The following PCNX2 variants were observed in gnomAD, a reference collection of about 807,000 sequenced individuals.
The protein encoded by PCNX2 is pecanex-like protein 2.
A neutral mutation model predicts 223.8 loss-of-function variants in PCNX2; 168 were observed. The observed-to-expected ratio is 0.75, with a 90% confidence interval of 0.66 to 0.85. PCNX2 has a LOEUF of 0.85. Ranked by LOEUF, PCNX2 falls within the 40% of genes least tolerant of loss-of-function variation. PCNX2 has a pLI of 0.00. For synonymous variants in PCNX2, 1,006 were observed against 1,052.6 expected (o/e 0.96, Z 0.86); for missense variants, 2,507 against 2,675.5 (o/e 0.94, Z 1.39).
the PCNX2 span, among the ~76,000 whole-genome samples, chr1:233,325,022 ATGT>A: frequency 2.6e-5 from 4 of 152,344 alleles, no homozygotes; most frequent in East Asian, 1.9e-4. Flanking sequence ...GAGGAGATAA[ATGT>A]TGTTTCCATG....
At chr1:233,200,346 C>A in intron 13 of PCNX2, 82 bp from the exon 14 acceptor site, 1 of 888,216 alleles carries the variant, frequency 1.1e-6, no homozygotes, top group Non-Finnish European at 1.7e-6. Flanking sequence ...TCTCTCTCCC[C>A]TTCCAAACCA....
At chr1:233,187,948 T>G (rs922803768) in intron 15 of PCNX2, among the ~76,000 whole-genome samples, 21 of 152,224 alleles carry the variant, frequency 1.4e-4, no homozygotes, top group Admixed American at 1.4e-3. Flanking sequence ...ACTTTCAAAT[T>G]TATTACTATT....
intron 15 of PCNX2, among the ~76,000 whole-genome samples, chr1:233,189,768 A>G (rs1467177889): frequency 1.3e-5 from 2 of 152,300 alleles, no homozygotes; most frequent in East Asian, 1.9e-4. Context: ...TCCCCTTGCC[A>G]TTAATAAAAA....
chr1:233,178,275 C>T (rs1256665611), intron 16 of PCNX2, among the ~76,000 whole-genome samples: 1 of 152,132 alleles, frequency 6.6e-6, no homozygotes, highest in Non-Finnish European at 1.5e-5. Context: ...ACTTTTGTTT[C>T]CCCCATTTTT....
intron 23 of PCNX2, chr1:233,058,168 C>CT (rs1672260262): frequency 1.8e-6 from 1 of 564,174 alleles, no homozygotes; most frequent in Non-Finnish European, 2.2e-6. Flanking sequence ...CAGTCCATGA[C>CT]AACCCCTGGC....
At chr1:233,128,212 T>C (rs1676213639) in intron 21 of PCNX2, among the ~76,000 whole-genome samples, 2 of 152,348 alleles carry the variant, frequency 1.3e-5, no homozygotes, top group South Asian at 2.1e-4. Context: ...TAGAATTTTA[T>C]GTCTAATGTA....
At chr1:233,096,210 C>A (rs1397449467) in intron 21 of PCNX2, among the ~76,000 whole-genome samples, 1 of 152,152 alleles carries the variant, frequency 6.6e-6, no homozygotes, top group African/African-American at 2.4e-5. Context: ...AGAAACCTAT[C>A]ATCATTTGAC....
At position 233,271,680 on chromosome 1, in the gene PCNX2, T is replaced by C. The variant is rs144562086; in HGVS notation, c.154-8517A>G. 4.4e-3 allele frequency among the ~76,000 whole-genome samples: 665 copies of C among 152,330 alleles called. 4 individuals carry two copies. Among genetic ancestry groups the C allele is most frequent in the African/African-American group, 0.016 (648 of 41,566 alleles). ...GTGAGAAATGAGGATCCAGTTTCAT[T>C]CTTCTACATGTGGCTTGCCAATTAT... On this transcript the variant is annotated intron_variant, in intron 1 of 33. Coordinates refer to ENST00000258229, the MANE Select transcript of PCNX2 (RefSeq NM_014801.4).
intron 23 of PCNX2, among the ~76,000 whole-genome samples, chr1:233,080,127 G>T (rs945362625): frequency 7.9e-5 from 12 of 152,138 alleles, no homozygotes; most frequent in African/African-American, 2.7e-4. Flanking sequence ...CCAGCCAGTT[G>T]GGTGAGATTT....
intron 23 of PCNX2, among the ~76,000 whole-genome samples, chr1:233,072,283 G>A (rs544709710): frequency 6.9e-4 from 105 of 152,244 alleles, no homozygotes; most frequent in Middle Eastern, 3.4e-3. Context: ...TGGGTTTTAC[G>A]TTTAAGTCTT....
At chr1:233,004,281 T>G (rs551322393) in intron 28 of PCNX2, among the ~76,000 whole-genome samples, 1 of 152,126 alleles carries the variant, frequency 6.6e-6, no homozygotes, top group Admixed American at 6.5e-5. Flanking sequence ...GGTTCCTAGG[T>G]TTTTCCTGCC....
At position 233,164,094 on chromosome 1, in the gene PCNX2, T is replaced by C. The variant is rs575987115; in HGVS notation, c.3274-2731A>G. 6.6e-5 allele frequency among the ~76,000 whole-genome samples: 10 copies of C among 152,270 alleles called. No individual in the cohort carries two copies. The East Asian group carries it at 1.9e-3, about 29-fold the overall frequency. On this transcript the variant is annotated intron_variant, in intron 17 of 33. Coordinates refer to ENST00000258229, the MANE Select transcript of PCNX2 (RefSeq NM_014801.4). Reference sequence around the variant, plus strand: ...CTGGGTTATGTAGTAGGTTTAGTCTTAACTTTTTAAGAAACTGCCATAATC... The same window carrying C: ...CTGGGTTATGTAGTAGGTTTAGTCTCAACTTTTTAAGAAACTGCCATAATC...
intron 25 of PCNX2, chr1:233,033,115 T>G: frequency 1.0e-6 from 1 of 985,410 alleles, no homozygotes; most frequent in Non-Finnish European, 1.2e-6. Flanking sequence ...AATGTCAAGC[T>G]GGCAAGGCTG....
intron 18 of PCNX2, among the ~76,000 whole-genome samples, chr1:233,160,957 A>G (rs76147554): frequency 0.01 from 1,545 of 152,264 alleles, 26 homozygotes; most frequent in African/African-American, 0.035. Context: ...GAGCACTGTT[A>G]GCCCACCATA....
At chr1:233,169,708 A>T (rs1417899040) in intron 17 of PCNX2, among the ~76,000 whole-genome samples, 1 of 151,998 alleles carries the variant, frequency 6.6e-6, no homozygotes, top group Non-Finnish European at 1.5e-5. Context: ...TGTACAGTTT[A>T]ATAATTATAA....
chr1:233,031,900 A>T, intron 25 of PCNX2: 1 of 984,728 alleles, frequency 1.0e-6, no homozygotes, highest in Non-Finnish European at 1.2e-6. Context: ...ATAAACAGTG[A>T]GGCATCCAGA....
chr1:233,322,590 C>T, the PCNX2 span, among the ~76,000 whole-genome samples: 4 of 152,004 alleles, frequency 2.6e-5, no homozygotes, highest in East Asian at 7.7e-4. Context: ...ACCAGGCGTT[C>T]GACTCAAGAG....
intron 12 of PCNX2, among the ~76,000 whole-genome samples, chr1:233,209,088 G>T (rs1681677281): frequency 1.3e-5 from 2 of 152,074 alleles, no homozygotes. Context: ...TCTACACTTG[G>T]GTGCCACTAT....
intron 8 of PCNX2, among the ~76,000 whole-genome samples, chr1:233,248,084 G>A (rs1659230647): frequency 1.3e-5 from 2 of 152,082 alleles, no homozygotes; most frequent in African/African-American, 4.8e-5. Flanking sequence ...GGTGACTAGG[G>A]CCATTCAATA....
Sources: allele counts gnomAD v4.1 joint callset (sites outside exome capture counted in the v4.1 genomes callset), GRCh38; gene constraint gnomAD v4.1.1; transcripts MANE v1.5; gene names NCBI Gene and HGNC (gene_info 2026-07-23, HGNC 2026-07-21).